Variants in PTGER3 observed in about 807,000 individuals in gnomAD.
The protein encoded by PTGER3 is prostaglandin E2 receptor EP3 subtype.
Under a neutral mutation model 34.7 loss-of-function variants are expected in PTGER3, and 22 were observed. That is an observed-to-expected ratio of 0.63 (90% CI 0.45 to 0.91). The LOEUF (loss-of-function observed/expected upper bound fraction) is 0.91. Ranked by LOEUF, PTGER3 falls within the 40% of genes least tolerant of loss-of-function variation. The pLI is 0.00. For synonymous variants in PTGER3, 241 were observed against 230.1 expected, an observed-to-expected ratio of 1.05 and a Z score of -0.43; for missense variants, 468 against 519.4, an observed-to-expected ratio of 0.90 and a Z score of 0.96.
At chr1:70,898,345 ATTC>A (rs34241792) in intron 4 of PTGER3, among the ~76,000 whole-genome samples, 13,098 of 152,024 alleles carry the variant, frequency 0.086, 1,019 homozygotes, top group East Asian at 0.23. Flanking sequence ...AAGGTGGTAG[ATTC>A]TTCTCCACAG....
At chr1:70,983,419 C>G (rs765246234) in intron 2 of PTGER3, among the ~76,000 whole-genome samples, 3 of 152,136 alleles carry the variant, frequency 2.0e-5, no homozygotes, top group Non-Finnish European at 2.9e-5. Context: ...TGTTTCTGCT[C>G]TATGCCCACA....
At chr1:71,010,265 C>T (rs1034097542) in intron 2 of PTGER3, 174 of 984,142 alleles carry the variant, frequency 1.8e-4, no homozygotes, top group Non-Finnish European at 1.9e-4. Context: ...AGCAGTATGA[C>T]ACTACACCCT....
At chr1:70,947,809 T>C (rs1650359623), downstream of PTGER3, among the ~76,000 whole-genome samples, 2 of 152,178 alleles carry the variant, frequency 1.3e-5, no homozygotes, top group South Asian at 4.1e-4. Context: ...TTAGAAACTT[T>C]GTTACGTTCT....
At chr1:70,986,722 C>T (rs1380291594) in intron 2 of PTGER3, among the ~76,000 whole-genome samples, 3 of 152,162 alleles carry the variant, frequency 2.0e-5, no homozygotes, top group Non-Finnish European at 4.4e-5. Flanking sequence ...CCTGCATTAT[C>T]ACAAGGGTAT....
At chr1:70,969,240 C>T (rs900294009), downstream of PTGER3, among the ~76,000 whole-genome samples, 22 of 152,028 alleles carry the variant, frequency 1.4e-4, no homozygotes, top group Non-Finnish European at 2.5e-4. Flanking sequence ...AAAAGCACTT[C>T]TTGTGATTAT....
At chr1:70,988,519 C>T (rs938563979) in intron 2 of PTGER3, among the ~76,000 whole-genome samples, 1 of 152,154 alleles carries the variant, frequency 6.6e-6, no homozygotes, top group Non-Finnish European at 1.5e-5. Flanking sequence ...AAGAGGCACA[C>T]CCTTCTTTAT....
At chr1:70,926,699 C>A (rs1034345238) in intron 4 of PTGER3, among the ~76,000 whole-genome samples, 4 of 151,804 alleles carry the variant, frequency 2.6e-5, no homozygotes, top group African/African-American at 9.7e-5. Flanking sequence ...TTGTCCTGGC[C>A]AGAACTTCCA....
At chr1:71,019,781 G>C (rs1658234851) in intron 1 of PTGER3, among the ~76,000 whole-genome samples, 1 of 152,112 alleles carries the variant, frequency 6.6e-6, no homozygotes. Context: ...ATCTATTAAA[G>C]ATGATAAATG....
At chr1:71,000,686 T>C (rs1045508396) in intron 2 of PTGER3, among the ~76,000 whole-genome samples, 3 of 152,164 alleles carry the variant, frequency 2.0e-5, no homozygotes, top group African/African-American at 7.2e-5. Flanking sequence ...GATTATCAGA[T>C]AGGTTTGGGC....
chr1:70,965,901 C>T (rs1161294402), downstream of PTGER3, among the ~76,000 whole-genome samples: 1 of 152,176 alleles, frequency 6.6e-6, no homozygotes, highest in African/African-American at 2.4e-5. Flanking sequence ...TTATTTTTTA[C>T]TACTTTCTCA....
At chr1:70,894,632 T>C (rs1341884928) in intron 4 of PTGER3, among the ~76,000 whole-genome samples, 2 of 152,204 alleles carry the variant, frequency 1.3e-5, no homozygotes, top group Non-Finnish European at 2.9e-5. Flanking sequence ...AGTGCTATTA[T>C]GGATAACAAT....
chr1:71,001,334 G>A (rs2100813836), intron 2 of PTGER3, among the ~76,000 whole-genome samples: 1 of 152,180 alleles, frequency 6.6e-6, no homozygotes, highest in Middle Eastern at 3.4e-3. Flanking sequence ...ACAAATAAAT[G>A]AATATCCATC....
chr1:70,960,409 C>T (rs1651807135), intron 2 of PTGER3, among the ~76,000 whole-genome samples: 1 of 151,834 alleles, frequency 6.6e-6, no homozygotes, highest in Non-Finnish European at 1.5e-5. Context: ...AAATGATGGC[C>T]ATTTTAAAAA....
At chr1:71,021,505 G>T (rs1188638899) in intron 1 of PTGER3, among the ~76,000 whole-genome samples, 3 of 149,600 alleles carry the variant, frequency 2.0e-5, no homozygotes, top group Non-Finnish European at 4.4e-5. Flanking sequence ...TGACACACAA[G>T]TTAGAAGAGT....
chr1:70,855,073 A>G (rs1645770784), intron 4 of PTGER3, among the ~76,000 whole-genome samples: 1 of 152,212 alleles, frequency 6.6e-6, no homozygotes, highest in Non-Finnish European at 1.5e-5. Context: ...AAGCAACCCA[A>G]ATGTCCACTG....
chr1:70,937,165 G>A (rs1649303324), intron 4 of PTGER3, among the ~76,000 whole-genome samples: 1 of 152,162 alleles, frequency 6.6e-6, no homozygotes, highest in South Asian at 2.1e-4. Context: ...GGAATGTTAT[G>A]ATTATAAGCA....
At chr1:70,966,745 C>T (rs577492661), downstream of PTGER3, among the ~76,000 whole-genome samples, 2 of 152,210 alleles carry the variant, frequency 1.3e-5, no homozygotes, top group Admixed American at 1.3e-4. Context: ...TGGTGGCTTC[C>T]AGCTTCATTC....
At chr1:70,936,454 G>C (rs1649239883) in intron 4 of PTGER3, among the ~76,000 whole-genome samples, 1 of 152,110 alleles carries the variant, frequency 6.6e-6, no homozygotes, top group Admixed American at 6.6e-5. Context: ...TTACTAACAA[G>C]TATAGAATGG....
intron 2 of PTGER3, among the ~76,000 whole-genome samples, chr1:70,984,435 C>A (rs1489407055): frequency 6.6e-6 from 1 of 150,434 alleles, no homozygotes; most frequent in Non-Finnish European, 1.5e-5. Context: ...TCTAACTATT[C>A]AAAATTGCTC....
Sources: allele counts gnomAD v4.1 joint callset (sites outside exome capture counted in the v4.1 genomes callset), GRCh38; gene constraint gnomAD v4.1.1; transcripts MANE v1.5; gene names NCBI Gene and HGNC (gene_info 2026-07-23, HGNC 2026-07-21).